Variants in BRPF1 observed in about 807,000 individuals in gnomAD.
BRPF1 encodes the protein bromodomain and PHD finger containing 1.
In BRPF1, 15 loss-of-function variants were observed where a neutral mutation model predicts 115.0. The observed-to-expected ratio is 0.13, with a 90% CI of 0.09 to 0.20. The LOEUF (loss-of-function observed/expected upper bound fraction) is 0.20. Ranked by LOEUF, BRPF1 falls within the 10% of genes least tolerant of loss-of-function variation. BRPF1 has a pLI of 1.00. For missense variants in BRPF1, 1,118 were observed against 1,638.3 expected (o/e 0.68, Z 5.48); for synonymous variants, 647 against 619.8 (o/e 1.04, Z -0.65).
rs777829583 is a variant in BRPF1, at chr3:9,739,221, T to C, written c.822T>C (p.Ala274=). Residue 274 remains alanine (A), a synonymous_variant, in exon 3 of 14, where the codon GCT becomes GCC. Coordinates refer to ENST00000383829, the MANE Select transcript of BRPF1 (RefSeq NM_001003694.2). ...GDPNALVDED[A]VCCICNDGEC... is the part of the protein sequence containing the mutation. ...CTAATGCGCTAGTGGACGAGGATGC[T>C]GTTTGCTGTATCTGCAATGATGGTG... is the stretch of plus-strand genomic sequence containing the variant. 6.2e-7 allele frequency: 1 copy of C among 1,613,688 alleles called. No individual in the cohort carries two copies. The highest frequency in any genetic ancestry group is 1.7e-5 in the Admixed American group (1 of 59,988).
At chr3:9,738,938 A>G in intron 2 of BRPF1, 61 bp from the exon 3 acceptor site, 2 of 1,491,430 alleles carry the variant, frequency 1.3e-6, no homozygotes, top group Non-Finnish European at 1.8e-6. Context: ...CAAATGACCC[A>G]TCATCTTTAA....
intron 2 of BRPF1, 69 bp from the exon 3 acceptor site, chr3:9,738,930 A>C: frequency 6.8e-7 from 1 of 1,465,826 alleles, no homozygotes; most frequent in Non-Finnish European, 9.2e-7. Context: ...CTCAATGGCA[A>C]ATGACCCATC....
chr3:9,740,050 G>A, intron 3 of BRPF1, 92 bp downstream of exon 3: 1 of 1,446,886 alleles, frequency 6.9e-7, no homozygotes, highest in Non-Finnish European at 9.1e-7. Context: ...GCAGGGCTGG[G>A]CTATCTTCCC....
chr3:9,742,689 T>G, intron 6 of BRPF1: 1 of 548,708 alleles, frequency 1.8e-6, no homozygotes, highest in South Asian at 7.9e-5. Context: ...AAAGTATATT[T>G]GGCTCTACTT....
intron 13 of BRPF1, among the ~76,000 whole-genome samples, chr3:9,746,832 A>G (rs2077134802): frequency 6.6e-6 from 1 of 152,178 alleles, no homozygotes; most frequent in African/African-American, 2.4e-5. Flanking sequence ...ACATTTACAC[A>G]TGTAGTCTTT....
chr3:9,739,421 A>G lies in BRPF1; in HGVS notation c.1022A>G (p.Lys341Arg). Residue 341 changes from lysine (K) to arginine (R), a missense_variant, in exon 3 of 14, where the codon AAG becomes AGG. Physicochemically the swap from Lys to Arg is conservative, Grantham distance 26. Coordinates refer to ENST00000383829, the MANE Select transcript of BRPF1 (RefSeq NM_001003694.2). ...ALCPNKGGAF[K>R]QTDDGRWAHV... ...TGCCCCAACAAGGGCGGTGCCTTCAAGCAGACAGATGACGGGCGCTGGGCC... is the reference window on the plus strand; with the variant it reads ...TGCCCCAACAAGGGCGGTGCCTTCAGGCAGACAGATGACGGGCGCTGGGCC... The G allele has an allele frequency of 6.2e-7, 1 of 1,614,200 alleles. No individual in the cohort carries two copies. The highest frequency in any genetic ancestry group is 8.5e-7 in the Non-Finnish European group (1 of 1,180,024).
At position 9,744,239 on chromosome 3, in the gene BRPF1, T is replaced by G; in HGVS notation, c.2651T>G (p.Met884Arg). ...TCTGCTCCAGGCCTGGGTCCCAACA[T>G]GTCCTCAACCCCCGCACATGAGGTG... Reference protein sequence around the residue: ...QETSKGLGPNMSSTPAHEVGR... With the variant: ...QETSKGLGPNRSSTPAHEVGR... Residue 884 changes from methionine (M) to arginine (R), a missense_variant, in exon 9 of 14, where the codon ATG (methionine) becomes AGG (arginine). Coordinates refer to ENST00000383829, the MANE Select transcript of BRPF1 (RefSeq NM_001003694.2). The G allele has an allele frequency of 6.5e-7, 1 of 1,544,422 alleles. No homozygotes were observed. Among genetic ancestry groups the G allele is most frequent in the Non-Finnish European group, 8.7e-7 (1 of 1,147,076 alleles).
In BRPF1 at chr3:9,734,509, G is replaced by T. The variant is rs766158727; in HGVS notation, c.369G>T (p.Glu123Asp). 5.0e-6 allele frequency: 8 copies of T among 1,614,008 alleles called. No homozygotes were observed. In the South Asian group the frequency reaches 8.8e-5, roughly 18 times the overall value. The stretch of plus-strand genomic sequence containing the variant: ...ACCTGGATGTGGTGTCAGAGGATGA[G>T]GAAGCCCCCGAGGAGGCCCCTGAGA... ...FDNLDVVSED[E>D]EAPEEAPENG... Residue 123 changes from glutamate to aspartate, a missense_variant, in exon 2 of 14, where the codon GAG becomes GAT. Around this residue, in one of 10 missense-constraint regions of BRPF1, gnomAD observed 280 missense variants for 382.8 expected, o/e 0.73. Transcript: ENST00000383829. The surrounding 1 kb of genome is among the most constrained non-coding windows in gnomAD (Gnocchi z 5.7).
intron 2 of BRPF1, among the ~76,000 whole-genome samples, chr3:9,737,927 T>G (rs1256592319): frequency 3.3e-5 from 5 of 152,216 alleles, no homozygotes; most frequent in Non-Finnish European, 5.9e-5. Flanking sequence ...GTGGGTAGTA[T>G]TATCCTCGTT....
At position 9,743,376 on chromosome 3, in the gene BRPF1, A is replaced by C. The variant is rs1227988271; in HGVS notation, c.2311+123A>C. Reference sequence around the variant, plus strand: ...CAGCTAGGCTGAGCAGTGGCAAGCTATCCCCAGGAATGCTCCCCAAGAAGC... The same window carrying C: ...CAGCTAGGCTGAGCAGTGGCAAGCTCTCCCCAGGAATGCTCCCCAAGAAGC... On this transcript the variant is annotated intron_variant, in intron 7 of 13. Transcript: ENST00000383829. The surrounding 1 kb of genome is among the most constrained non-coding windows in gnomAD (Gnocchi z 6.1). 7.5e-7 allele frequency: 1 copy of C among 1,341,018 alleles called. No homozygotes were observed. The highest frequency in any genetic ancestry group is 1.0e-6 in the Non-Finnish European group (1 of 992,366). The allele number at this position is 1,341,018 out of a possible 1,614,324, so 83.1% of individuals were successfully genotyped here. A position where few individuals can be genotyped will look rare whatever the true frequency, so the allele number is the denominator to read the frequency against.
chr3:9,744,807 T>G (rs1450492833), intron 9 of BRPF1, among the ~76,000 whole-genome samples: 1 of 152,168 alleles, frequency 6.6e-6, no homozygotes, highest in Non-Finnish European at 1.5e-5. Context: ...AGCCAGTAAC[T>G]GCCGAGGGAA....
rs1462153588 is a variant in BRPF1 at position 9,743,322 on chromosome 3, T to A, written c.2311+69T>A. ...GATGGACAGCTTTCCAAAAGTCCCC[T>A]CCTGGGAGCAGGCAGTGTAGGCAGA... On this transcript the variant is annotated intron_variant, in intron 7 of 13. Coordinates refer to ENST00000383829, the MANE Select transcript of BRPF1 (RefSeq NM_001003694.2). The surrounding 1 kb of genome is among the most constrained non-coding windows in gnomAD (Gnocchi z 6.1). 6.5e-7 allele frequency: 1 copy of A among 1,536,566 alleles called. No homozygotes were observed. The highest frequency in any genetic ancestry group is 8.8e-7 in the Non-Finnish European group (1 of 1,138,282).
At chr3:9,733,532 G>A (rs562883185) in intron 1 of BRPF1, among the ~76,000 whole-genome samples, 4 of 152,342 alleles carry the variant, frequency 2.6e-5, no homozygotes, top group African/African-American at 9.6e-5. Context: ...ATGGAATGCT[G>A]TGGAAACAGC....
chr3:9,744,841 G>T (rs1258600450), intron 9 of BRPF1, among the ~76,000 whole-genome samples, 167 bp from the exon 10 acceptor site: 1 of 152,212 alleles, frequency 6.6e-6, no homozygotes, highest in African/African-American at 2.4e-5. Context: ...CAGGGCTGTG[G>T]CCAACTGTGG....
In BRPF1 at chr3:9,742,874, T is replaced by C. The variant is rs897456229; in HGVS notation, c.2002-70T>C. ...TTGCTGGATGTGTTTCAGGGGGGCT[T>C]GTTAGGAGCAGGGTTCGGGGCAATA... On this transcript the variant is annotated intron_variant, in intron 6 of 13. Coordinates refer to ENST00000383829, the MANE Select transcript of BRPF1 (RefSeq NM_001003694.2). 6 of 1,516,194 alleles carry C rather than the reference T, an allele frequency of 4.0e-6. No homozygotes were observed. The African/African-American group carries it at 5.5e-5, about 14-fold the overall frequency. 93.9% of individuals were successfully genotyped at this position (1,516,194 alleles called of 1,614,324 possible). A position where few individuals can be genotyped will look rare whatever the true frequency, so the allele number is the denominator to read the frequency against.
chr3:9,734,665 G>A lies in BRPF1; in HGVS notation c.525G>A (p.Lys175=). ...HHNVSASTTP[K]LPEVVYRELE... ...ATGTTTCTGCGAGCACCACTCCCAAGCTGCCAGAGGTGGTCTATCGGGAGC... is the reference window on the plus strand; with the variant it reads ...ATGTTTCTGCGAGCACCACTCCCAAACTGCCAGAGGTGGTCTATCGGGAGC... Residue 175 remains lysine (K), a synonymous_variant, in exon 2 of 14, where the codon AAG becomes AAA. Transcript: ENST00000383829. This position sits in a 1 kb window ranked among gnomAD's most constrained non-coding sequence, Gnocchi z 5.7. 6.2e-7 allele frequency: 1 copy of A among 1,614,146 alleles called. No homozygotes were observed. Among genetic ancestry groups the A allele is most frequent in the South Asian group, 1.1e-5 (1 of 91,082 alleles).
chr3:9,744,206 T>C lies in BRPF1; in HGVS notation c.2636-18T>C. ...TCAGGCCCCTCACCAACTCTCCTTC[T>C]TTCTTTCTCTGCTCCAGGCCTGGGT... On this transcript the variant is annotated intron_variant, in intron 8 of 13. Coordinates refer to ENST00000383829, the MANE Select transcript of BRPF1 (RefSeq NM_001003694.2). The C allele has an allele frequency of 6.6e-7, 1 of 1,515,806 alleles. No individual in the cohort carries two copies. Among genetic ancestry groups the C allele is most frequent in the South Asian group, 1.3e-5 (1 of 74,668 alleles). 93.9% of individuals were successfully genotyped at this position (1,515,806 alleles called of 1,614,324 possible). A position where few individuals can be genotyped will look rare whatever the true frequency, so the allele number is the denominator to read the frequency against.
Position 9,739,790 on chromosome 3 carries a change from G to A in BRPF1, c.1391G>A (p.Gly464Asp). ...CTGCCTGCCCTGTCCCACAGCGAGG[G>A]TGAGGAGGATGAAGATGAGGAGGAG... ...RRLPALSHSE[G>D]EEDEDEEEDE... The change falls in exon 3 of 14, where the codon GGT becomes GAT. Residue 464 changes from glycine (G) to aspartate (D), a missense_variant. Transcript: ENST00000383829. The A allele has an allele frequency of 4.3e-6, 7 of 1,613,480 alleles. No homozygotes were observed. The highest frequency in any genetic ancestry group is 5.9e-6 in the Non-Finnish European group (7 of 1,179,696).
Position 9,734,856 on chromosome 3 carries a change from C to A in BRPF1, c.599+117C>A. 1.5e-6 allele frequency: 2 copies of A among 1,342,226 alleles called. No individual in the cohort carries two copies. The highest frequency in any genetic ancestry group is 2.0e-6 in the Non-Finnish European group (2 of 979,800). The allele number at this position is 1,342,226 out of a possible 1,614,324, so 83.1% of individuals were successfully genotyped here. A position where few individuals can be genotyped will look rare whatever the true frequency, so the allele number is the denominator to read the frequency against. ...AGGAATAAAGAATAGTGAAAGAACA[C>A]TGATTTTGCCAGGGCAGTGAGTGGA... On this transcript the variant is annotated intron_variant, in intron 2 of 13. Coordinates refer to ENST00000383829, the MANE Select transcript of BRPF1 (RefSeq NM_001003694.2). The surrounding 1 kb of genome is among the most constrained non-coding windows in gnomAD (Gnocchi z 5.7).
Sources: gnomAD v4.1 joint callset for allele counts (sites outside exome capture counted in the v4.1 genomes callset) on GRCh38, gnomAD v4.1.1 for gene constraint, gnomAD v4.1.1 regional missense constraint, Gnocchi (gnomAD v3.1) non-coding constraint, MANE v1.5 for transcripts, NCBI Gene and HGNC (gene_info 2026-07-23, HGNC 2026-07-21) for gene names.